Variants in ACTR3C observed in about 807,000 individuals in gnomAD.
ACTR3C encodes the protein actin-related protein 3C.
ACTR3C carries 18 observed loss-of-function variants against 26.3 expected under a neutral mutation model. That is an observed-to-expected ratio of 0.68 (90% CI 0.47 to 1.01). ACTR3C has a LOEUF of 1.01. Among genes scored for constraint, ACTR3C ranks in the 50% least tolerant of loss-of-function variants. The pLI is 0.00. For missense variants in ACTR3C, 184 were observed against 250.7 expected, an observed-to-expected ratio of 0.73 and a Z score of 1.80; for synonymous variants, 55 against 94.5, an observed-to-expected ratio of 0.58 and a Z score of 2.42.
At chr7:150,088,288 T>C in the ACTR3C span, among the ~76,000 whole-genome samples, 1 of 152,254 alleles carries the variant, frequency 6.6e-6, no homozygotes, top group South Asian at 2.1e-4. Flanking sequence ...CCTTTTCAGA[T>C]ATTGTACTTT....
chr7:150,070,718 T>G, the ACTR3C span, among the ~76,000 whole-genome samples: 1 of 152,162 alleles, frequency 6.6e-6, no homozygotes. Context: ...CCCAAAGTGC[T>G]GGGATTACAG....
chr7:149,938,214 C>T, the ACTR3C span, among the ~76,000 whole-genome samples: 1 of 152,186 alleles, frequency 6.6e-6, no homozygotes, highest in African/African-American at 2.4e-5. Context: ...AAGCTCTACT[C>T]TCAGCCCCCA....
downstream of ACTR3C, among the ~76,000 whole-genome samples, chr7:150,241,222 A>T (rs141017574): frequency 0.078 from 11,934 of 152,100 alleles, 888 homozygotes; most frequent in African/African-American, 0.2. Context: ...ATAAAGTTTA[A>T]GGACTTATAC....
At chr7:150,041,825 G>C in the ACTR3C span, among the ~76,000 whole-genome samples, 5,202 of 56,782 alleles carry the variant, frequency 0.092, 79 homozygotes, top group African/African-American at 0.23. Context: ...GGGGTACTAA[G>C]AGCCAGGGGT....
At chr7:150,249,624 T>C (rs1389465401) in intron 6 of ACTR3C, among the ~76,000 whole-genome samples, 1 of 152,048 alleles carries the variant, frequency 6.6e-6, no homozygotes, top group African/African-American at 2.4e-5. Context: ...CAGCTAATTT[T>C]CTGTGTTTTT....
Position 150,300,990 on chromosome 7 carries a change from A to G in ACTR3C, c.-51-5643T>C, listed in dbSNP as rs1476525565. On this transcript the variant is annotated intron_variant, in intron 1 of 7. Coordinates refer to ENST00000683684, the MANE Select transcript of ACTR3C (RefSeq NM_001164458.2). The stretch of plus-strand genomic sequence containing the variant: ...CTCTCTCTTAAGCTACCTCCTATCG[A>G]TCTGAAAAGCGGGCCTAATAACATC... Among the ~76,000 whole-genome samples the G allele has an allele frequency of 5.3e-5, 8 of 152,126 alleles. No individual in the cohort carries two copies. The South Asian group carries it at 1.7e-3, about 32-fold the overall frequency.
At chr7:149,999,180 G>C in the ACTR3C span, among the ~76,000 whole-genome samples, 1 of 150,702 alleles carries the variant, frequency 6.6e-6, no homozygotes, top group Admixed American at 6.7e-5. Context: ...CTAAGTGTTG[G>C]GGTAATTTAT....
chr7:150,208,234 C>G, the ACTR3C span, among the ~76,000 whole-genome samples: 1 of 152,032 alleles, frequency 6.6e-6, no homozygotes, highest in East Asian at 1.9e-4. Flanking sequence ...AGCTGAGAGT[C>G]TGGGGAGAAC....
chr7:150,041,911 A>G, the ACTR3C span, among the ~76,000 whole-genome samples: 239 of 126,986 alleles, frequency 1.9e-3, 1 homozygote, highest in South Asian at 6.4e-3. Context: ...CCTCAGAGCC[A>G]GGGGGGGAAG....
At chr7:150,308,337 T>G (rs1048521150) in intron 1 of ACTR3C, among the ~76,000 whole-genome samples, 2 of 152,020 alleles carry the variant, frequency 1.3e-5, no homozygotes, top group South Asian at 4.2e-4. Context: ...AACCTAAGAG[T>G]CTTATTTTCT....
chr7:149,907,478 T>TTCTCTCTCTCTC, the ACTR3C span, among the ~76,000 whole-genome samples: 9 of 97,592 alleles, frequency 9.2e-5, no homozygotes, highest in African/African-American at 1.8e-4. Flanking sequence ...CTCTCTTCTC[T>TTCTCTCTCTCTC]TCTCTCTCTC....
At chr7:150,068,471 G>A in the ACTR3C span, among the ~76,000 whole-genome samples, 1 of 152,070 alleles carries the variant, frequency 6.6e-6, no homozygotes, top group Non-Finnish European at 1.5e-5. Context: ...CCAATTTTGA[G>A]TTTTTAATTC....
intron 1 of ACTR3C, chr7:150,322,524 A>T (rs562173757): frequency 5.8e-4 from 89 of 152,356 alleles, no homozygotes; most frequent in African/African-American, 2.1e-3. Context: ...ACGCCATGAC[A>T]CCATCATGAA....
chr7:149,957,184 G>A, the ACTR3C span, among the ~76,000 whole-genome samples: 62 of 152,064 alleles, frequency 4.1e-4, no homozygotes, highest in Non-Finnish European at 7.8e-4. Flanking sequence ...AAGTAGTCAA[G>A]AGATCAAATG....
At chr7:150,019,565 C>T in the ACTR3C span, among the ~76,000 whole-genome samples, 1 of 149,772 alleles carries the variant, frequency 6.7e-6, no homozygotes, top group African/African-American at 2.5e-5. Flanking sequence ...GCACTCCAGC[C>T]TGGTGACAGA....
chr7:150,063,744 C>T, the ACTR3C span, among the ~76,000 whole-genome samples: 20 of 152,152 alleles, frequency 1.3e-4, no homozygotes, highest in South Asian at 2.7e-3. Flanking sequence ...GTTTCTACTG[C>T]GGTTGCAGGT....
At chr7:150,047,447 C>G in the ACTR3C span, among the ~76,000 whole-genome samples, 1 of 152,086 alleles carries the variant, frequency 6.6e-6, no homozygotes, top group Non-Finnish European at 1.5e-5. Flanking sequence ...CGGCGATGAC[C>G]GCGATCTGGC....
chr7:150,068,705 C>T, the ACTR3C span, among the ~76,000 whole-genome samples: 1 of 149,412 alleles, frequency 6.7e-6, no homozygotes, highest in Non-Finnish European at 1.5e-5. Context: ...ATGGCATGAA[C>T]CCAGGAGGCA....
chr7:150,042,570 G>C, the ACTR3C span, among the ~76,000 whole-genome samples: 1 of 138,762 alleles, frequency 7.2e-6, no homozygotes. Context: ...CTGAGTCCCC[G>C]CCTCGCGGGG....
Sources: allele counts gnomAD v4.1 joint callset (sites outside exome capture counted in the v4.1 genomes callset), GRCh38; gene constraint gnomAD v4.1.1; transcripts MANE v1.5; gene names NCBI Gene and HGNC (gene_info 2026-07-23, HGNC 2026-07-21).